The following UCN3 variants were observed in gnomAD, a reference collection of about 807,000 sequenced individuals.
The protein encoded by UCN3 is urocortin-3.
A neutral mutation model predicts 3.6 loss-of-function variants in UCN3; 3 were observed. The observed-to-expected ratio is 0.83, with a 90% confidence interval of 0.38 to 2.15. The LOEUF (loss-of-function observed/expected upper bound fraction) is 2.15, where lower values mean the gene tolerates loss of function less well. Ranked by LOEUF, UCN3 falls within the 30% of genes most tolerant of loss-of-function variation. The probability of loss-of-function intolerance (pLI) is 0.06; values close to 1 mark genes in which losing one functional copy is unlikely to be tolerated. For missense variants in UCN3, 206 were observed against 208.3 expected, an observed-to-expected ratio of 0.99 and a Z score of 0.07; for synonymous variants, 100 against 93.2, an observed-to-expected ratio of 1.07 and a Z score of -0.42.
chr10:5,370,221 ATG>A lies in UCN3; in HGVS notation c.-6-3491_-6-3490del, dbSNP rs1260184691. Reference sequence around the variant, plus strand: ...TGTATATGCGTGTGTATGTGTGTGTATGTGCGTGTGTGTATGCGTGTGTGTAT... The same window carrying A: ...TGTATATGCGTGTGTATGTGTGTGTATGCGTGTGTGTATGCGTGTGTGTAT... On this transcript the variant is annotated intron_variant, in intron 1 of 1. Transcript: ENST00000380433. 1.0e-3 allele frequency among the ~76,000 whole-genome samples: 14 copies of A among 13,968 alleles called. 2 individuals carry two copies. The highest frequency in any genetic ancestry group is 2.5e-3 in the Admixed American group (3 of 1,198). The allele number at this position is 13,968 out of a possible 152,430, so 9.2% of individuals were successfully genotyped here.
At chr10:5,370,455 G>A (rs1429712273) in intron 1 of UCN3, among the ~76,000 whole-genome samples, 2 of 90,936 alleles carry the variant, frequency 2.2e-5, no homozygotes, top group Non-Finnish European at 4.4e-5. Flanking sequence ...ATGTGTGTGT[G>A]TATATGTGTG....
At chr10:5,372,585 C>T (rs1831444739) in intron 1 of UCN3, among the ~76,000 whole-genome samples, 2 of 152,176 alleles carry the variant, frequency 1.3e-5, no homozygotes, top group African/African-American at 4.8e-5. Context: ...AGGTTTTGCT[C>T]TGTTGCCCAG....
At chr10:5,369,531 T>A (rs1251908679) in intron 1 of UCN3, among the ~76,000 whole-genome samples, 1 of 152,124 alleles carries the variant, frequency 6.6e-6, no homozygotes, top group Non-Finnish European at 1.5e-5. Context: ...AATAAGGAAA[T>A]AAGGACGAAG....
chr10:5,371,155 A>ATG (rs570651612), intron 1 of UCN3, among the ~76,000 whole-genome samples: 2 of 149,700 alleles, frequency 1.3e-5, no homozygotes, highest in Non-Finnish European at 1.5e-5. Flanking sequence ...GTGCATGTAT[A>ATG]TGTGTGTGCA....
intron 1 of UCN3, among the ~76,000 whole-genome samples, chr10:5,370,667 G>GTGTGTGTGTA (rs1831384246): frequency 4.3e-5 from 2 of 46,960 alleles, no homozygotes; most frequent in African/African-American, 1.0e-4. Flanking sequence ...GTGTGTGTAT[G>GTGTGTGTGTA]TGTGTGTATG....
Position 5,367,801 on chromosome 10 carries a change from T to C in UCN3, c.-7+2571T>C, listed in dbSNP as rs1554810816. On this transcript the variant is annotated intron_variant, in intron 1 of 1. Coordinates refer to ENST00000380433, the MANE Select transcript of UCN3 (RefSeq NM_053049.4). The surrounding 1 kb of genome is among the most constrained non-coding windows in gnomAD (Gnocchi z 4.3). Reference sequence around the variant, plus strand: ...AATTATTCTGCAAAGTTCTAAGTGCTTGAGGGTAAATGCAGAATGCTGCCC... The same window carrying C: ...AATTATTCTGCAAAGTTCTAAGTGCCTGAGGGTAAATGCAGAATGCTGCCC... Among the ~76,000 whole-genome samples, 1 of 152,112 alleles carries C rather than the reference T, an allele frequency of 6.6e-6. No individual in the cohort carries two copies. Among genetic ancestry groups the C allele is most frequent in the Non-Finnish European group, 1.5e-5 (1 of 68,028 alleles).
At chr10:5,371,367 T>C (rs1221101359) in intron 1 of UCN3, among the ~76,000 whole-genome samples, 2 of 151,952 alleles carry the variant, frequency 1.3e-5, no homozygotes, top group East Asian at 3.8e-4. Context: ...TATGTGTGTA[T>C]CTGTATGTGG....
In UCN3 at chr10:5,370,966, G is replaced by A. The variant is rs973314495; in HGVS notation, c.-6-2749G>A. On this transcript the variant is annotated intron_variant, in intron 1 of 1. Transcript: ENST00000380433. ...GTGTATGTGTGTAAGGTGTGTGTGT[G>A]TGTATGTATGTACATGTGAGGTATG... is the stretch of plus-strand genomic sequence containing the variant. Among the ~76,000 whole-genome samples, 32 of 150,318 alleles carry A rather than the reference G, an allele frequency of 2.1e-4. 2 individuals are homozygous for A. Among genetic ancestry groups the A allele is most frequent in the Admixed American group, 1.5e-3 (22 of 15,022 alleles).
chr10:5,373,518 C>T (rs1034352278), intron 1 of UCN3, among the ~76,000 whole-genome samples, 197 bp from the exon 2 acceptor site: 1 of 152,164 alleles, frequency 6.6e-6, no homozygotes, highest in East Asian at 1.9e-4. Context: ...TTGATTTACT[C>T]GTTCTGGAAA....
At chr10:5,373,571 G>A (rs1020760144) in intron 1 of UCN3, 144 bp from the exon 2 acceptor site, 46 of 1,321,908 alleles carry the variant, frequency 3.5e-5, no homozygotes, top group Admixed American at 9.3e-5. Context: ...GTCCCAGCCC[G>A]GGCTGATGCT....
rs1164306822 is a variant in UCN3 at position 5,370,839 on chromosome 10, G to A, written c.-6-2876G>A. Among the ~76,000 whole-genome samples the A allele has an allele frequency of 1.2e-3, 97 of 80,750 alleles. 16 individuals are homozygous for A. The highest frequency in any genetic ancestry group is 3.7e-3 in the African/African-American group (71 of 19,072). The allele number at this position is 80,750 out of a possible 152,430, so 53.0% of individuals were successfully genotyped here. On this transcript the variant is annotated intron_variant, in intron 1 of 1. Transcript: ENST00000380433. ...CGTGTGTGTGCGCGCGTGTGTGTGC[G>A]CGTGTGTGTGCGCGTGTGTGTGCGT...
At position 5,370,487 on chromosome 10, in the gene UCN3, GTA is replaced by G. The variant is rs1283994083; in HGVS notation, c.-6-3226_-6-3225del. Among the ~76,000 whole-genome samples, 6 of 92,218 alleles carry G rather than the reference GTA, an allele frequency of 6.5e-5. 1 individual carries two copies. The highest frequency in any genetic ancestry group is 1.6e-4 in the African/African-American group (4 of 24,878). 60.5% of individuals were successfully genotyped at this position (92,218 alleles called of 152,430 possible). ...TGTGTATATGCGTGTGTATATGTGTGTATGTGTGTGTATATGCGTGTGTATAT... is the reference window on the plus strand; with the variant it reads ...TGTGTATATGCGTGTGTATATGTGTGTGTGTGTGTATATGCGTGTGTATAT... On this transcript the variant is annotated intron_variant, in intron 1 of 1. Transcript: ENST00000380433.
chr10:5,370,735 T>C (rs921644083), intron 1 of UCN3, among the ~76,000 whole-genome samples: 2 of 119,058 alleles, frequency 1.7e-5, no homozygotes, highest in East Asian at 5.9e-4. Flanking sequence ...TGCGTGTGTA[T>C]ATGTGTGTGT....
chr10:5,370,559 G>A (rs556136007), intron 1 of UCN3, among the ~76,000 whole-genome samples: 1 of 112,374 alleles, frequency 8.9e-6, no homozygotes, highest in South Asian at 3.8e-4. Flanking sequence ...GTGTGTATAT[G>A]TGTGTGTATA....
chr10:5,373,680 C>T (rs1554811737), intron 1 of UCN3, 35 bp from the exon 2 acceptor site: 5 of 1,598,014 alleles, frequency 3.1e-6, no homozygotes, highest in Non-Finnish European at 2.6e-6. Flanking sequence ...ACGCCCCTCC[C>T]ATGCCCCTGC....
At chr10:5,369,930 T>C (rs1241264161) in intron 1 of UCN3, among the ~76,000 whole-genome samples, 7 of 133,428 alleles carry the variant, frequency 5.2e-5, no homozygotes, top group African/African-American at 9.2e-5. Context: ...TGTGTATGTG[T>C]GTGTGTGTAT....
rs1554810796 is a variant in UCN3 at position 5,367,618 on chromosome 10, G to C, written c.-7+2388G>C. Among the ~76,000 whole-genome samples the C allele has an allele frequency of 6.6e-6, 1 of 152,188 alleles. No homozygotes were observed. Among genetic ancestry groups the C allele is most frequent in the African/African-American group, 2.4e-5 (1 of 41,454 alleles). On this transcript the variant is annotated intron_variant, in intron 1 of 1. Coordinates refer to ENST00000380433, the MANE Select transcript of UCN3 (RefSeq NM_053049.4). The surrounding 1 kb of genome is among the most constrained non-coding windows in gnomAD (Gnocchi z 4.3). Reference sequence around the variant, plus strand: ...AGGCTTGGCATATTTAGCAGAAATGGAGACACCAAAGAAATATAACACCCA... The same window carrying C: ...AGGCTTGGCATATTTAGCAGAAATGCAGACACCAAAGAAATATAACACCCA...
chr10:5,370,547 A>ATGCGTGTGTATATGCGTGTATATG (rs1564443164), intron 1 of UCN3, among the ~76,000 whole-genome samples: 13 of 41,302 alleles, frequency 3.1e-4, no homozygotes, highest in East Asian at 1.5e-3. Context: ...ATGCGTGTAT[A>ATGCGTGTGTATATGCGTGTATATG]TGTGTGTATA....
In UCN3 at chr10:5,369,875, A is replaced by ATGTGTGTGTATATGTGTGTGTGTATATG. The variant is rs782275674; in HGVS notation, c.-6-3818_-6-3791dup. Among the ~76,000 whole-genome samples, 28 of 84,402 alleles carry ATGTGTGTGTATATGTGTGTGTGTATATG rather than the reference A, an allele frequency of 3.3e-4. 3 individuals carry two copies. Among genetic ancestry groups the ATGTGTGTGTATATGTGTGTGTGTATATG allele is most frequent in the Admixed American group, 2.6e-3 (18 of 7,044 alleles). The allele number at this position is 84,402 out of a possible 152,430, so 55.4% of individuals were successfully genotyped here. ...TTTATCCACGTGGGTGTGTGTGTATATGTGTGTGTATATGTGTGTGTGTAT... is the reference window on the plus strand; with the variant it reads ...TTTATCCACGTGGGTGTGTGTGTATATGTGTGTGTATATGTGTGTGTGTATATGTGTGTGTGTATATGTGTGTGTGTAT... On this transcript the variant is annotated intron_variant, in intron 1 of 1. Coordinates refer to ENST00000380433, the MANE Select transcript of UCN3 (RefSeq NM_053049.4).
Sources: allele counts gnomAD v4.1 joint callset (sites outside exome capture counted in the v4.1 genomes callset), GRCh38; gene constraint gnomAD v4.1.1; non-coding constraint Gnocchi (gnomAD v3.1); transcripts MANE v1.5; gene names NCBI Gene and HGNC (gene_info 2026-07-23, HGNC 2026-07-21).